The following DNAJC16 variants were observed in gnomAD, a reference collection of about 807,000 sequenced individuals.
DNAJC16 encodes dnaJ homolog subfamily C member 16.
DNAJC16 carries 76 observed loss-of-function variants against 92.7 expected under a neutral mutation model. The observed-to-expected ratio is 0.82, with a 90% CI of 0.68 to 0.99. The LOEUF (loss-of-function observed/expected upper bound fraction) is 0.99. Ranked by LOEUF, DNAJC16 falls within the 50% of genes least tolerant of loss-of-function variation. DNAJC16 has a pLI of 0.00. For synonymous variants in DNAJC16, 328 were observed against 358.7 expected, an observed-to-expected ratio of 0.91 and a Z score of 0.97; for missense variants, 869 against 942.4, an observed-to-expected ratio of 0.92 and a Z score of 1.02.
At chr1:15,548,873 TAAA>T (rs1274821497) in intron 7 of DNAJC16, among the ~76,000 whole-genome samples, 2 of 152,150 alleles carry the variant, frequency 1.3e-5, no homozygotes, top group African/African-American at 4.8e-5. Context: ...AATGTAAAGT[TAAA>T]AAACTGGGGG....
At chr1:15,543,613 T>G (rs1034212542) in intron 4 of DNAJC16, among the ~76,000 whole-genome samples, 18 of 152,244 alleles carry the variant, frequency 1.2e-4, no homozygotes, top group African/African-American at 4.3e-4. Flanking sequence ...AGGAGCAGCC[T>G]GGCTGCTATG....
chr1:15,537,053 G>A (rs983213740), intron 4 of DNAJC16, among the ~76,000 whole-genome samples: 10 of 152,246 alleles, frequency 6.6e-5, no homozygotes, highest in African/African-American at 2.2e-4. Context: ...GTTTCACCAC[G>A]TTGGCCAGGC....
chr1:15,540,341 G>GA (rs1195921942), intron 4 of DNAJC16, among the ~76,000 whole-genome samples: 3 of 151,860 alleles, frequency 2.0e-5, no homozygotes, highest in Admixed American at 6.6e-5. Context: ...AAAAAGAAAA[G>GA]AAAAAAACCA....
intron 7 of DNAJC16, among the ~76,000 whole-genome samples, chr1:15,548,935 G>A (rs1638378707): frequency 6.6e-6 from 1 of 152,082 alleles, no homozygotes; most frequent in Admixed American, 6.5e-5. Flanking sequence ...TTTCTAAAGA[G>A]CTTTTAATCA....
chr1:15,570,743 C>T lies in DNAJC16; in HGVS notation c.*2566C>T, dbSNP rs997631160. ...AAATTGAACTTTACCCTTGTCCATG[C>T]AAGGCATTCCTCCTGAATGCATCCA... On this transcript the variant is annotated 3_prime_UTR_variant, in exon 15 of 15. Transcript: ENST00000375847. 3.9e-5 allele frequency: 6 copies of T among 152,170 alleles called. No homozygotes were observed. Among genetic ancestry groups the T allele is most frequent in the African/African-American group, 7.2e-5 (3 of 41,444 alleles). The allele number at this position is 152,170 out of a possible 1,614,324, so 9.4% of individuals were successfully genotyped here. A position where few individuals can be genotyped will look rare whatever the true frequency, so the allele number is the denominator to read the frequency against.
intron 3 of DNAJC16, among the ~76,000 whole-genome samples, chr1:15,535,440 A>G (rs992451499): frequency 2.0e-5 from 3 of 152,208 alleles, no homozygotes; most frequent in African/African-American, 7.2e-5. Flanking sequence ...ATTCTTTTGA[A>G]TGACTGCATT....
rs1286256849 is a variant in DNAJC16, at chr1:15,570,400, G to A, written c.*2223G>A. ...TATTTATATTTTTTTTAATAGAGAC[G>A]AGGTCTTGCTATGTTGCCCAGGCTG... On this transcript the variant is annotated 3_prime_UTR_variant, in exon 15 of 15. Transcript: ENST00000375847. The A allele has an allele frequency of 9.2e-5, 14 of 151,926 alleles. No homozygotes were observed. Among genetic ancestry groups the A allele is most frequent in the Non-Finnish European group, 1.9e-4 (13 of 68,010 alleles). The allele number at this position is 151,926 out of a possible 1,614,324, so 9.4% of individuals were successfully genotyped here.
intron 7 of DNAJC16, among the ~76,000 whole-genome samples, chr1:15,558,865 C>G (rs1171160549): frequency 6.6e-6 from 1 of 152,138 alleles, no homozygotes; most frequent in Non-Finnish European, 1.5e-5. Context: ...CGCTACAAAT[C>G]CTGAATGGAA....
rs202190844 is a variant in DNAJC16 at position 15,529,266 on chromosome 1, G to A, written c.161G>A (p.Arg54Gln). The A allele has an allele frequency of 1.1e-5, 18 of 1,606,564 alleles. No homozygotes were observed. In the East Asian group the frequency reaches 2.2e-4, roughly 20 times the overall value. ...AAAAAGGCTTATAAGAAGCTCGCCC[G>A]GGAATGGTAGGTGAAACAAAGAAAT... The part of the protein sequence containing the change: ...DIKKAYKKLA[R>Q]EWHPDKNKDP... Residue 54 changes from arginine to glutamine, a missense_variant, in exon 2 of 15, where the codon CGG (arginine) becomes CAG (glutamine). Arg to Gln is a conservative substitution (Grantham distance 43). Coordinates refer to ENST00000375847, the MANE Select transcript of DNAJC16 (RefSeq NM_015291.4).
rs1171247806 is a variant in DNAJC16, at chr1:15,529,219, A to G, written c.114A>G (p.Arg38=). 7 of 1,613,410 alleles carry G rather than the reference A, an allele frequency of 4.3e-6. No individual in the cohort carries two copies. The highest frequency in any genetic ancestry group is 5.9e-6 in the Non-Finnish European group (7 of 1,179,578). The change falls in exon 2 of 15, where the codon CGA becomes CGG. Residue 38 remains arginine (R), a synonymous_variant. Transcript: ENST00000375847. ...FDPYRVLGVS[R]TASQADIKKA... ...CATACAGAGTCCTAGGGGTCAGCCG[A>G]ACAGCCAGTCAGGCTGATATTAAAA...
Position 15,568,150 on chromosome 1 carries a change from T to C in DNAJC16, c.2322T>C (p.Tyr774=), listed in dbSNP as rs371091214. The part of the protein sequence containing the change: ...RLLEGSLQRF[Y]IPSWPELD ...TGGAGGGCTCCTTACAGAGGTTTTATATCCCATCATGGCCTGAACTAGACT... is the reference window on the plus strand; with the variant it reads ...TGGAGGGCTCCTTACAGAGGTTTTACATCCCATCATGGCCTGAACTAGACT... The change falls in exon 15 of 15, where the codon TAT becomes TAC. Residue 774 remains tyrosine, a synonymous_variant. Transcript: ENST00000375847. 3 of 1,613,340 alleles carry C rather than the reference T, an allele frequency of 1.9e-6. No individual in the cohort carries two copies. The African/African-American group carries it at 4.0e-5, about 22-fold the overall frequency.
At chr1:15,547,629 ATGGGGTTTCACCATGT>A (rs1218874173) in intron 6 of DNAJC16, among the ~76,000 whole-genome samples, 1 of 151,526 alleles carries the variant, frequency 6.6e-6, no homozygotes, top group Non-Finnish European at 1.5e-5. Flanking sequence ...TTTAGTGGAG[ATGGGGTTTCACCATGT>A]TGGCCAGGCT....
At chr1:15,550,653 G>T (rs1313917180) in intron 7 of DNAJC16, among the ~76,000 whole-genome samples, 1 of 152,166 alleles carries the variant, frequency 6.6e-6, no homozygotes, top group Non-Finnish European at 1.5e-5. Context: ...GATTCTCAAA[G>T]ATCCTTCAAG....
At chr1:15,549,658 C>G (rs1638396911) in intron 7 of DNAJC16, among the ~76,000 whole-genome samples, 1 of 151,322 alleles carries the variant, frequency 6.6e-6, no homozygotes, top group Admixed American at 6.6e-5. Context: ...ACTAAAAATA[C>G]AAAAAATTAG....
rs769559493 is a variant in DNAJC16, at chr1:15,566,118, A to G, written c.1716A>G (p.Glu572=). ...ATGAGCGAGAGTCAAGCCCTCCAGA[A>G]AAAGAGGAAGCCCAAGAGAAGACTG... The part of the protein sequence containing the change: ...SNDERESSPP[E]KEEAQEKTGK... Residue 572 remains glutamate, a synonymous_variant, in exon 13 of 15, where the codon GAA becomes GAG. Coordinates refer to ENST00000375847, the MANE Select transcript of DNAJC16 (RefSeq NM_015291.4). The G allele has an allele frequency of 1.9e-6, 3 of 1,614,038 alleles. No individual in the cohort carries two copies. The highest frequency in any genetic ancestry group is 2.5e-6 in the Non-Finnish European group (3 of 1,180,020).
chr1:15,558,368 G>A (rs1024712178), intron 7 of DNAJC16, among the ~76,000 whole-genome samples: 3 of 151,282 alleles, frequency 2.0e-5, no homozygotes, highest in African/African-American at 4.9e-5. Flanking sequence ...TTTATTTTTA[G>A]TAGAGACAAG....
intron 4 of DNAJC16, among the ~76,000 whole-genome samples, chr1:15,539,981 C>T (rs1347264660): frequency 1.3e-5 from 2 of 150,950 alleles, no homozygotes; most frequent in South Asian, 2.1e-4. Context: ...GAGCCAAGAT[C>T]GAGTCACCGC....
chr1:15,559,527 C>T lies in DNAJC16; in HGVS notation c.1025C>T (p.Ala342Val). The T allele has an allele frequency of 1.2e-6, 2 of 1,613,972 alleles. No individual in the cohort carries two copies. Among genetic ancestry groups the T allele is most frequent in the Non-Finnish European group, 1.7e-6 (2 of 1,179,920 alleles). ...HINRPADVIQ[A>V]RGMKKQIIDD... ...AGCTGATTCTTGGTTTTTCTCTAGG[C>T]CCGAGGTATGAAGAAGCAAATCATT... Residue 342 changes from alanine to valine, a missense_variant and splice_region_variant, in exon 8 of 15, where the codon GCC becomes GTC. Transcript: ENST00000375847.
At chr1:15,557,545 A>G (rs1638594103) in intron 7 of DNAJC16, among the ~76,000 whole-genome samples, 1 of 135,698 alleles carries the variant, frequency 7.4e-6, no homozygotes, top group Admixed American at 8.0e-5. Context: ...TTTCCTTTCT[A>G]CTTTTATATT....
Sources: allele counts gnomAD v4.1 joint callset (sites outside exome capture counted in the v4.1 genomes callset), GRCh38; gene constraint gnomAD v4.1.1; transcripts MANE v1.5; gene names NCBI Gene and HGNC (gene_info 2026-07-23, HGNC 2026-07-21).